Variants in KIF16B observed in about 807,000 individuals in gnomAD.
KIF16B encodes the protein kinesin-like protein KIF16B.
Under a neutral mutation model 156.3 loss-of-function variants are expected in KIF16B, and 98 were observed. That is an observed-to-expected ratio of 0.63 (90% CI 0.53 to 0.74). The LOEUF is 0.74. Ranked by LOEUF, KIF16B falls within the 30% of genes least tolerant of loss-of-function variation. The pLI is 0.00. For synonymous variants in KIF16B, 564 were observed against 583.7 expected, an observed-to-expected ratio of 0.97 and a Z score of 0.49; for missense variants, 1,421 against 1,606.5, an observed-to-expected ratio of 0.88 and a Z score of 1.97.
intron 1 of KIF16B, among the ~76,000 whole-genome samples, chr20:16,559,368 G>A (rs948622916): frequency 6.6e-6 from 1 of 152,146 alleles, no homozygotes; most frequent in African/African-American, 2.4e-5. Context: ...AGGAAATGCC[G>A]TCTACTCTTA....
chr20:16,358,495 G>C (rs539373132), intron 22 of KIF16B, among the ~76,000 whole-genome samples: 1 of 152,320 alleles, frequency 6.6e-6, no homozygotes, highest in African/African-American at 2.4e-5. Flanking sequence ...GATAAGATGT[G>C]GAATCCAATC....
rs1366291708 is a variant in KIF16B at position 16,558,640 on chromosome 20, C to T, written c.47+14589G>A. 4.6e-5 allele frequency among the ~76,000 whole-genome samples: 7 copies of T among 152,314 alleles called. No homozygotes were observed. The South Asian group carries it at 6.2e-4, about 14-fold the overall frequency. On this transcript the variant is annotated intron_variant, in intron 1 of 25. Transcript: ENST00000354981. ...GGGGTAGGGTGGGTGCGATGGCTCA[C>T]GCCTGTAATCCCAACACTTTGGGAG...
At chr20:16,456,096 CCAATACAATA>C (rs56823966) in intron 12 of KIF16B, among the ~76,000 whole-genome samples, 8,942 of 143,356 alleles carry the variant, frequency 0.062, 347 homozygotes, top group East Asian at 0.18. Context: ...TCTACTGGAG[CCAATACAATA>C]CAATACAATA....
chr20:16,497,846 G>A (rs2143983), intron 10 of KIF16B, among the ~76,000 whole-genome samples, 168 bp from the exon 11 acceptor site: 34,471 of 152,032 alleles, frequency 0.23, 4,487 homozygotes, highest in East Asian at 0.36. Context: ...TTTACTCCAC[G>A]GGATACATCT....
At chr20:16,302,919 A>C (rs950396246) in intron 25 of KIF16B, among the ~76,000 whole-genome samples, 15 of 152,160 alleles carry the variant, frequency 9.9e-5, no homozygotes, top group African/African-American at 3.4e-4. Flanking sequence ...ATTCTTTCAA[A>C]TTATCTACAT....
chr20:16,451,824 T>A (rs2067090411), intron 12 of KIF16B, among the ~76,000 whole-genome samples: 1 of 151,750 alleles, frequency 6.6e-6, no homozygotes, highest in Non-Finnish European at 1.5e-5. Context: ...TTCAGTATTT[T>A]AAAGCTAAGC....
chr20:16,311,403 G>A (rs952297107), intron 25 of KIF16B, among the ~76,000 whole-genome samples: 7 of 152,206 alleles, frequency 4.6e-5, no homozygotes, highest in African/African-American at 1.2e-4. Flanking sequence ...CAGCAGAATC[G>A]CTTGAATCTG....
chr20:16,420,121 A>G (rs1007580622), intron 15 of KIF16B, among the ~76,000 whole-genome samples: 8 of 152,114 alleles, frequency 5.3e-5, no homozygotes, highest in Non-Finnish European at 1.2e-4. Context: ...TGGAAGAACT[A>G]AAAAAAGAGG....
intron 12 of KIF16B, among the ~76,000 whole-genome samples, chr20:16,467,732 C>T (rs1236218184): frequency 1.3e-5 from 2 of 151,260 alleles, no homozygotes; most frequent in East Asian, 1.9e-4. Context: ...AAAAAAAACC[C>T]GGCCAACCTA....
intron 15 of KIF16B, among the ~76,000 whole-genome samples, chr20:16,423,685 C>G (rs1283015799): frequency 1.3e-5 from 2 of 152,138 alleles, no homozygotes. Flanking sequence ...ACGTTCCTCT[C>G]TCCCTGGGAA....
At chr20:16,476,692 C>A (rs2067823097) in intron 12 of KIF16B, among the ~76,000 whole-genome samples, 1 of 152,158 alleles carries the variant, frequency 6.6e-6, no homozygotes, top group Non-Finnish European at 1.5e-5. Context: ...TGCAGGATAG[C>A]CATATTCCCC....
chr20:16,363,203 G>T (rs1298494855), intron 22 of KIF16B, among the ~76,000 whole-genome samples: 2 of 152,174 alleles, frequency 1.3e-5, no homozygotes, highest in African/African-American at 2.4e-5. Context: ...TGCCACGGAT[G>T]AACAGACTCT....
At position 16,370,511 on chromosome 20, in the gene KIF16B, A is replaced by T. The variant is rs2064790467; in HGVS notation, c.3498+75T>A. 3 of 1,215,432 alleles carry T rather than the reference A, an allele frequency of 2.5e-6. No homozygotes were observed. The African/African-American group carries it at 4.8e-5, about 19-fold the overall frequency. 75.3% of individuals were successfully genotyped at this position (1,215,432 alleles called of 1,614,324 possible). On this transcript the variant is annotated intron_variant, in intron 22 of 25. Transcript: ENST00000354981. Reference sequence around the variant, plus strand: ...CTCAAAATTCTAATTATGCAACTAGACATTAAGAAAATGTAATCACATGAG... The same window carrying T: ...CTCAAAATTCTAATTATGCAACTAGTCATTAAGAAAATGTAATCACATGAG...
chr20:16,469,923 A>G (rs893908701), intron 12 of KIF16B, among the ~76,000 whole-genome samples: 1 of 152,248 alleles, frequency 6.6e-6, no homozygotes, highest in African/African-American at 2.4e-5. Flanking sequence ...GAAGCAACCC[A>G]AAAGCAGGTG....
rs186661879 is a variant in KIF16B, at chr20:16,446,075, C to T, written c.1303-16093G>A. ...AGAGTGCAGAAGCCTGCTGTTGCTG[C>T]CTTTATTTCTTCAATGTCCCATAAA... On this transcript the variant is annotated intron_variant, in intron 12 of 25. Coordinates refer to ENST00000354981, the MANE Select transcript of KIF16B (RefSeq NM_024704.5). 1.0e-3 allele frequency among the ~76,000 whole-genome samples: 159 copies of T among 152,258 alleles called. 1 individual carries two copies. The highest frequency in any genetic ancestry group is 2.0e-3 in the Non-Finnish European group (136 of 68,016).
At chr20:16,505,880 G>A in intron 8 of KIF16B, 27 bp from the exon 9 acceptor site, 1 of 1,610,624 alleles carries the variant, frequency 6.2e-7, no homozygotes, top group Non-Finnish European at 8.5e-7. Context: ...ACAAAGGGGA[G>A]AAAGGACAAT....
At chr20:16,366,017 G>A (rs2064656659) in intron 22 of KIF16B, among the ~76,000 whole-genome samples, 2 of 152,118 alleles carry the variant, frequency 1.3e-5, no homozygotes, top group South Asian at 2.1e-4. Flanking sequence ...AGCACCTAGG[G>A]TCAGGTGAAA....
chr20:16,523,999 C>T (rs2069444435), intron 3 of KIF16B, among the ~76,000 whole-genome samples: 3 of 152,178 alleles, frequency 2.0e-5, no homozygotes, highest in Non-Finnish European at 4.4e-5. Context: ...TGGACCCCTT[C>T]CTTACACCTT....
intron 12 of KIF16B, 23 bp from the exon 13 acceptor site, chr20:16,430,005 A>G (rs766307033): frequency 6.3e-7 from 1 of 1,591,174 alleles, no homozygotes; most frequent in South Asian, 1.2e-5. Context: ...GGAAAAGAAA[A>G]AGAAAAGGTT....
Sources: allele counts gnomAD v4.1 joint callset (sites outside exome capture counted in the v4.1 genomes callset), GRCh38; gene constraint gnomAD v4.1.1; transcripts MANE v1.5; gene names NCBI Gene and HGNC (gene_info 2026-07-23, HGNC 2026-07-21).